The following VOPP1 variants were observed in gnomAD, a reference collection of about 807,000 sequenced individuals.
VOPP1 encodes the protein VOPP1 WW domain binding protein, also known as WW domain binding protein VOPP1.
In VOPP1, 8 loss-of-function variants were observed where a neutral mutation model predicts 23.5. The ratio of observed to expected loss-of-function variants is 0.34; its 90% CI spans 0.20 to 0.61. The LOEUF (loss-of-function observed/expected upper bound fraction) is 0.61. Among genes scored for constraint, VOPP1 ranks in the 20% least tolerant of loss-of-function variants. VOPP1 has a pLI of 0.78. For missense variants in VOPP1, 174 were observed against 238.1 expected (o/e 0.73, Z 1.77); for synonymous variants, 83 against 97.3 (o/e 0.85, Z 0.86).
chr7:55,539,596 G>T (rs1461107733), intron 1 of VOPP1: 1 of 152,122 alleles, frequency 6.6e-6, no homozygotes, highest in African/African-American at 2.4e-5. Context: ...CCACATGTGA[G>T]GCTGAAAGGG....
At chr7:55,462,716 C>T (rs1343311961) in intron 4 of VOPP1, among the ~76,000 whole-genome samples, 1 of 142,100 alleles carries the variant, frequency 7.0e-6, no homozygotes, top group Non-Finnish European at 1.5e-5. Context: ...AGTGCAGTGG[C>T]GGGATCTCGG....
intron 1 of VOPP1, among the ~76,000 whole-genome samples, chr7:55,570,760 G>A (rs1798322266): frequency 6.6e-6 from 1 of 152,082 alleles, no homozygotes; most frequent in Admixed American, 6.6e-5. Context: ...TGACCAACAT[G>A]ACGAAACCCC....
chr7:55,552,303 G>A (rs1003840066), intron 1 of VOPP1, among the ~76,000 whole-genome samples: 1 of 152,202 alleles, frequency 6.6e-6, no homozygotes, highest in Non-Finnish European at 1.5e-5. Flanking sequence ...TAAAACCTCC[G>A]TACAAAATGC....
chr7:55,440,956 C>G (rs149662042), intron 4 of VOPP1, among the ~76,000 whole-genome samples: 11 of 152,262 alleles, frequency 7.2e-5, no homozygotes, highest in African/African-American at 2.4e-4. Context: ...AAGAGGGGCA[C>G]GGAACACACC....
At chr7:55,542,905 C>CT (rs553803447) in intron 1 of VOPP1, among the ~76,000 whole-genome samples, 2 of 151,768 alleles carry the variant, frequency 1.3e-5, no homozygotes, top group Non-Finnish European at 2.9e-5. Context: ...TTTCATTCTT[C>CT]TTTTTTGTTT....
At chr7:55,539,378 T>C (rs759882403) in intron 1 of VOPP1, 1 of 152,168 alleles carries the variant, frequency 6.6e-6, no homozygotes, top group Non-Finnish European at 1.5e-5. Flanking sequence ...CGTGTATTTA[T>C]TGTATTTAAA....
intron 1 of VOPP1, among the ~76,000 whole-genome samples, chr7:55,549,064 G>A (rs752871391): frequency 5.9e-5 from 9 of 152,188 alleles, no homozygotes; most frequent in South Asian, 2.1e-4. Flanking sequence ...AAACAGGTAG[G>A]GGCGTGTCTA....
At chr7:55,453,111 G>T (rs972423733) in intron 4 of VOPP1, among the ~76,000 whole-genome samples, 2 of 152,166 alleles carry the variant, frequency 1.3e-5, no homozygotes, top group Non-Finnish European at 1.5e-5. Flanking sequence ...TGCATTACTT[G>T]CTGCAGCTTC....
At chr7:55,510,987 G>A (rs1353794810) in intron 2 of VOPP1, among the ~76,000 whole-genome samples, 1 of 152,088 alleles carries the variant, frequency 6.6e-6, no homozygotes, top group Non-Finnish European at 1.5e-5. Flanking sequence ...GTGCAATATT[G>A]TGGTTAACTG....
chr7:55,572,251 A>G lies in VOPP1; in HGVS notation c.54+20T>C. ...TGGTGGGCGCCGCGCCTCCGGCAGCACCCGGTCCCCGGCCCCTACCTCCAA... is the reference window on the plus strand; with the variant it reads ...TGGTGGGCGCCGCGCCTCCGGCAGCGCCCGGTCCCCGGCCCCTACCTCCAA... On this transcript the variant is annotated intron_variant, in intron 1 of 4. Coordinates refer to ENST00000285279, the MANE Select transcript of VOPP1 (RefSeq NM_030796.5). The G allele has an allele frequency of 1.3e-6, 2 of 1,515,476 alleles. No homozygotes were observed. Among genetic ancestry groups the G allele is most frequent in the Non-Finnish European group, 1.8e-6 (2 of 1,140,738 alleles). The allele number at this position is 1,515,476 out of a possible 1,614,324, so 93.9% of individuals were successfully genotyped here.
intron 4 of VOPP1, among the ~76,000 whole-genome samples, chr7:55,477,097 T>C (rs997335260): frequency 1.3e-5 from 2 of 152,194 alleles, no homozygotes; most frequent in Non-Finnish European, 2.9e-5. Context: ...TTGCCATGTA[T>C]CTTTCAGTCT....
chr7:55,486,738 T>G (rs1793175361), intron 4 of VOPP1, among the ~76,000 whole-genome samples: 1 of 152,210 alleles, frequency 6.6e-6, no homozygotes, highest in South Asian at 2.1e-4. Context: ...AGATTGGCAT[T>G]GGTGATTTGT....
At chr7:55,460,117 T>C (rs551318587) in intron 4 of VOPP1, among the ~76,000 whole-genome samples, 1 of 152,326 alleles carries the variant, frequency 6.6e-6, no homozygotes, top group African/African-American at 2.4e-5. Context: ...TCCTCTCAAT[T>C]TCTTCATCGA....
At chr7:55,476,440 GC>G (rs142649907) in intron 4 of VOPP1, among the ~76,000 whole-genome samples, 41,658 of 141,340 alleles carry the variant, frequency 0.29, 6,432 homozygotes, top group East Asian at 0.47. Flanking sequence ...GGGGGGGTGG[GC>G]GGGGGGGCTG....
At chr7:55,525,286 G>GA (rs1796108391) in intron 1 of VOPP1, among the ~76,000 whole-genome samples, 1 of 152,004 alleles carries the variant, frequency 6.6e-6, no homozygotes, top group Admixed American at 6.6e-5. Context: ...TCAGGAGATC[G>GA]AGACTATCCT....
At chr7:55,492,252 G>A (rs1793625652) in intron 4 of VOPP1, 30 bp downstream of exon 4, 2 of 1,594,594 alleles carry the variant, frequency 1.3e-6, no homozygotes, top group Non-Finnish European at 1.7e-6. Context: ...CACACTGTGG[G>A]GAGGAGAGAC....
At chr7:55,494,425 T>C (rs1264667773) in intron 3 of VOPP1, among the ~76,000 whole-genome samples, 2 of 152,178 alleles carry the variant, frequency 1.3e-5, no homozygotes, top group Non-Finnish European at 2.9e-5. Context: ...CTTAGTCTTG[T>C]CTAAAAAATA....
At chr7:55,506,565 G>C (rs1794740139) in intron 2 of VOPP1, among the ~76,000 whole-genome samples, 1 of 151,022 alleles carries the variant, frequency 6.6e-6, no homozygotes, top group Non-Finnish European at 1.5e-5. Flanking sequence ...TCAAACTCCT[G>C]ACCTCAGGTG....
intron 2 of VOPP1, among the ~76,000 whole-genome samples, chr7:55,519,582 C>T (rs868180905): frequency 1.3e-5 from 2 of 148,434 alleles, no homozygotes; most frequent in Middle Eastern, 3.4e-3. Context: ...TCCTGTTATC[C>T]CACAACCACT....
Sources: allele counts gnomAD v4.1 joint callset (sites outside exome capture counted in the v4.1 genomes callset), GRCh38; gene constraint gnomAD v4.1.1; transcripts MANE v1.5; gene names NCBI Gene and HGNC (gene_info 2026-07-23, HGNC 2026-07-21).